Variants in SPACA7 observed in about 807,000 individuals in gnomAD.
SPACA7 encodes sperm acrosome associated 7, also known as sperm acrosome-associated protein 7.
In SPACA7, 19 loss-of-function variants were observed where a neutral mutation model predicts 26.3. The ratio of observed to expected loss-of-function variants is 0.72; its 90% CI spans 0.50 to 1.06. The LOEUF (loss-of-function observed/expected upper bound fraction) is 1.06. SPACA7 is among the 50% of genes least tolerant of loss of function. The probability of loss-of-function intolerance (pLI) is 0.00; values close to 1 mark genes in which losing one functional copy is unlikely to be tolerated. For synonymous variants in SPACA7, 84 were observed against 84.5 expected (o/e 0.99, Z 0.04); for missense variants, 211 against 229.9 (o/e 0.92, Z 0.53).
chr13:112,413,801 A>G, intron 5 of SPACA7, among the ~76,000 whole-genome samples: 1 of 152,160 alleles, frequency 6.6e-6, no homozygotes, highest in Admixed American at 6.5e-5. Context: ...TGGCCTAAGT[A>G]TTAGTCCCTT....
chr13:112,378,760 C>T (rs1883857065), intron 1 of SPACA7: 1 of 470,904 alleles, frequency 2.1e-6, no homozygotes, highest in Non-Finnish European at 4.4e-6. Context: ...ATCAAATCAA[C>T]CTCAGTTTTT....
intron 1 of SPACA7, chr13:112,378,720 G>A (rs1264636567): frequency 4.2e-6 from 2 of 471,194 alleles, no homozygotes; most frequent in South Asian, 1.5e-5. Flanking sequence ...GACCCGGTGA[G>A]CCAGGTAGCA....
chr13:112,393,545 C>T (rs1366989650), intron 2 of SPACA7, among the ~76,000 whole-genome samples: 1 of 151,820 alleles, frequency 6.6e-6, no homozygotes, highest in Non-Finnish European at 1.5e-5. Context: ...AAACTACAGA[C>T]CCCCTGGCCT....
chr13:112,408,122 T>C (rs1886110140), intron 5 of SPACA7, among the ~76,000 whole-genome samples: 1 of 152,092 alleles, frequency 6.6e-6, no homozygotes, highest in Admixed American at 6.5e-5. Context: ...AAAAACCACA[T>C]GATTATCTCA....
chr13:112,397,516 C>T (rs902009588), intron 2 of SPACA7, among the ~76,000 whole-genome samples: 7 of 152,120 alleles, frequency 4.6e-5, no homozygotes, highest in African/African-American at 1.4e-4. Flanking sequence ...GCCGTGAGGA[C>T]GCTTGTCCAA....
At chr13:112,408,226 A>G (rs1026300428) in intron 5 of SPACA7, among the ~76,000 whole-genome samples, 10 of 152,202 alleles carry the variant, frequency 6.6e-5, no homozygotes, top group African/African-American at 2.2e-4. Context: ...TCTCAAAATA[A>G]TAAGAACTAT....
chr13:112,413,912 G>GCAT (rs1289524372), intron 5 of SPACA7, among the ~76,000 whole-genome samples: 5 of 152,230 alleles, frequency 3.3e-5, no homozygotes, highest in Non-Finnish European at 7.3e-5. Context: ...CATGGTGCCA[G>GCAT]CATCTGCCTC....
At chr13:112,417,249 A>G (rs559329910) in intron 5 of SPACA7, among the ~76,000 whole-genome samples, 45 of 152,158 alleles carry the variant, frequency 3.0e-4, no homozygotes, top group Admixed American at 4.6e-4. Flanking sequence ...GTTTTCTTCA[A>G]TTACACCAAT....
At chr13:112,418,080 A>G (rs1233274650) in intron 5 of SPACA7, among the ~76,000 whole-genome samples, 1 of 152,224 alleles carries the variant, frequency 6.6e-6, no homozygotes, top group Non-Finnish European at 1.5e-5. Flanking sequence ...CAAAGGACTT[A>G]GAAGATTCAA....
At chr13:112,388,655 C>A (rs369956005) in intron 1 of SPACA7, among the ~76,000 whole-genome samples, 1 of 152,216 alleles carries the variant, frequency 6.6e-6, no homozygotes, top group Non-Finnish European at 1.5e-5. Flanking sequence ...GTTCACTTTG[C>A]CCCCTGCCTA....
At chr13:112,392,930 G>A in intron 1 of SPACA7, 91 bp from the exon 2 acceptor site, 1 of 1,106,028 alleles carries the variant, frequency 9.0e-7, no homozygotes, top group Non-Finnish European at 1.3e-6. Flanking sequence ...GAGGGGGCTG[G>A]TGGGCACCCA....
At chr13:112,407,296 C>T (rs978272082) in intron 5 of SPACA7, among the ~76,000 whole-genome samples, 1 of 152,108 alleles carries the variant, frequency 6.6e-6, no homozygotes, top group African/African-American at 2.4e-5. Context: ...CCTAACATCA[C>T]AATGAAAAGA....
At chr13:112,403,070 T>C (rs1476478350) in intron 5 of SPACA7, among the ~76,000 whole-genome samples, 1 of 152,112 alleles carries the variant, frequency 6.6e-6, no homozygotes, top group Non-Finnish European at 1.5e-5. Context: ...AGAAGCATTT[T>C]GTCTTTTAAA....
chr13:112,397,777 G>C (rs550009815), intron 2 of SPACA7, among the ~76,000 whole-genome samples: 5 of 152,228 alleles, frequency 3.3e-5, no homozygotes, highest in Non-Finnish European at 7.3e-5. Context: ...TGGGCCAAGC[G>C]TCCAGCCTTG....
intron 5 of SPACA7, among the ~76,000 whole-genome samples, chr13:112,404,564 C>A (rs1304650907): frequency 6.6e-6 from 1 of 152,166 alleles, no homozygotes; most frequent in Non-Finnish European, 1.5e-5. Context: ...AAATTTAAGT[C>A]CTTTATCCAT....
intron 5 of SPACA7, among the ~76,000 whole-genome samples, chr13:112,406,491 G>A (rs189896041): frequency 1.3e-5 from 2 of 152,248 alleles, no homozygotes; most frequent in Non-Finnish European, 1.5e-5. Flanking sequence ...TATTGAGAAT[G>A]TATTTTAAAA....
chr13:112,403,207 A>G (rs1885756639), intron 5 of SPACA7, among the ~76,000 whole-genome samples: 1 of 152,142 alleles, frequency 6.6e-6, no homozygotes, highest in African/African-American at 2.4e-5. Flanking sequence ...CAATTTAGCC[A>G]TCTATATTTC....
At chr13:112,429,665 T>G (rs983904298) in intron 5 of SPACA7, among the ~76,000 whole-genome samples, 9 of 152,220 alleles carry the variant, frequency 5.9e-5, no homozygotes, top group Admixed American at 2.0e-4. Flanking sequence ...GCTTTCTAAT[T>G]CTACTCTCAT....
intron 5 of SPACA7, among the ~76,000 whole-genome samples, chr13:112,424,005 C>T (rs140419526): frequency 3.3e-5 from 5 of 152,128 alleles, no homozygotes; most frequent in Non-Finnish European, 5.9e-5. Context: ...AAAGGCCAAG[C>T]GTTTCACATT....
Sources: gnomAD v4.1 joint callset for allele counts (sites outside exome capture counted in the v4.1 genomes callset) on GRCh38, gnomAD v4.1.1 for gene constraint, MANE v1.5 for transcripts, NCBI Gene and HGNC (gene_info 2026-07-23, HGNC 2026-07-21) for gene names.